The following CADM2 variants were observed in gnomAD, a reference collection of about 807,000 sequenced individuals.
The protein encoded by CADM2 is immunoglobulin superfamily member 4D.
A neutral mutation model predicts 49.8 loss-of-function variants in CADM2; 12 were observed. The observed-to-expected ratio is 0.24, with a 90% CI of 0.15 to 0.39. The LOEUF (loss-of-function observed/expected upper bound fraction) is 0.39, where lower values mean the gene tolerates loss of function less well. Among genes scored for constraint, CADM2 ranks in the 10% least tolerant of loss-of-function variants. The probability of loss-of-function intolerance (pLI) is 1.00; values close to 1 mark genes in which losing one functional copy is unlikely to be tolerated. For synonymous variants in CADM2, 214 were observed against 175.4 expected (o/e 1.22, Z -1.74); for missense variants, 378 against 492.3 (o/e 0.77, Z 2.20).
intron 1 of CADM2, among the ~76,000 whole-genome samples, chr3:85,332,430 C>T (rs1165291000): frequency 6.6e-6 from 1 of 151,986 alleles, no homozygotes; most frequent in Admixed American, 6.6e-5. Flanking sequence ...TAGGCTGACA[C>T]AGAGGGATCC....
chr3:86,067,907 T>C lies in CADM2; in HGVS notation c.*1124T>C, dbSNP rs963937687. 6.6e-6 allele frequency: 1 copy of C among 152,480 alleles called. No homozygotes were observed. The highest frequency in any genetic ancestry group is 2.1e-4 in the South Asian group (1 of 4,836). 9.4% of individuals were successfully genotyped at this position (152,480 alleles called of 1,614,324 possible). A position where few individuals can be genotyped will look rare whatever the true frequency, so the allele number is the denominator to read the frequency against. On this transcript the variant is annotated 3_prime_UTR_variant, in exon 10 of 10. Coordinates refer to ENST00000383699, the MANE Select transcript of CADM2 (RefSeq NM_001167675.2). ...GTTATACAATGGAAGCACAATGTTATAAGGAAAGGTAATTTTAAGCTAACA... is the reference window on the plus strand; with the variant it reads ...GTTATACAATGGAAGCACAATGTTACAAGGAAAGGTAATTTTAAGCTAACA...
chr3:85,576,833 G>A (rs1156968768), intron 1 of CADM2, among the ~76,000 whole-genome samples: 1 of 151,962 alleles, frequency 6.6e-6, no homozygotes, highest in Non-Finnish European at 1.5e-5. Flanking sequence ...TATTAACCTA[G>A]ACTATACCAC....
intron 8 of CADM2, among the ~76,000 whole-genome samples, chr3:86,004,050 A>T (rs1730491543): frequency 6.6e-6 from 1 of 152,186 alleles, no homozygotes. Flanking sequence ...CTATTAAGAA[A>T]GATAAGGAGT....
intron 1 of CADM2, among the ~76,000 whole-genome samples, chr3:85,182,610 T>A (rs1355781502): frequency 6.6e-6 from 1 of 152,110 alleles, no homozygotes; most frequent in Non-Finnish European, 1.5e-5. Context: ...GACGGAGGAA[T>A]ATAAAATTTA....
intron 8 of CADM2, among the ~76,000 whole-genome samples, chr3:86,038,923 G>A (rs2107216263): frequency 6.6e-6 from 1 of 152,328 alleles, no homozygotes; most frequent in African/African-American, 2.4e-5. Context: ...TCTAGTGACA[G>A]CTGTTTGAAA....
intron 1 of CADM2, among the ~76,000 whole-genome samples, chr3:85,388,424 G>A (rs912261425): frequency 6.6e-6 from 1 of 152,148 alleles, no homozygotes; most frequent in African/African-American, 2.4e-5. Context: ...CGGGTTACTA[G>A]TTTATTTTCA....
intron 1 of CADM2, among the ~76,000 whole-genome samples, chr3:85,572,397 T>G (rs565933466): frequency 6.6e-6 from 1 of 152,288 alleles, no homozygotes; most frequent in African/African-American, 2.4e-5. Flanking sequence ...AACATACTTA[T>G]ATGTAAATGC....
At chr3:85,732,094 C>CAAAAAAA (rs3044020) in intron 2 of CADM2, among the ~76,000 whole-genome samples, 14 of 90,818 alleles carry the variant, frequency 1.5e-4, no homozygotes, top group African/African-American at 5.3e-4. Context: ...CTAAGAATAC[C>CAAAAAAA]AAAAAAAAAA....
At chr3:85,301,536 T>C (rs1009988174) in intron 1 of CADM2, among the ~76,000 whole-genome samples, 19 of 152,052 alleles carry the variant, frequency 1.2e-4, no homozygotes, top group South Asian at 2.1e-4. Context: ...AAAAAATAAT[T>C]CATCAGATAG....
chr3:85,487,323 G>T (rs2039459856), intron 1 of CADM2, among the ~76,000 whole-genome samples: 1 of 152,062 alleles, frequency 6.6e-6, no homozygotes, highest in African/African-American at 2.4e-5. Context: ...AAACGATACT[G>T]GGCAGCGAAA....
intron 1 of CADM2, among the ~76,000 whole-genome samples, chr3:85,051,667 A>T (rs1341557315): frequency 6.6e-6 from 1 of 152,164 alleles, no homozygotes; most frequent in Non-Finnish European, 1.5e-5. Flanking sequence ...TCTGAAAGCA[A>T]AAGGGGTAGA....
intron 1 of CADM2, among the ~76,000 whole-genome samples, chr3:85,026,341 T>G (rs1240528835): frequency 6.6e-6 from 1 of 152,186 alleles, no homozygotes; most frequent in East Asian, 1.9e-4. Flanking sequence ...CTAAATTAGA[T>G]GTACAATTAT....
intron 5 of CADM2, among the ~76,000 whole-genome samples, chr3:85,911,284 T>C (rs1182754813): frequency 6.6e-6 from 1 of 152,160 alleles, no homozygotes; most frequent in Non-Finnish European, 1.5e-5. Flanking sequence ...TATCAGCTAC[T>C]TCAGACTTGA....
rs1446301888 is a variant in CADM2, at chr3:86,070,701, T to C, written c.*3918T>C. ...AATGAGAATTACTGTTGAGTAATGCTTTTTATTAAGTGGCACAAAGTACAC... is the reference window on the plus strand; with the variant it reads ...AATGAGAATTACTGTTGAGTAATGCCTTTTATTAAGTGGCACAAAGTACAC... On this transcript the variant is annotated 3_prime_UTR_variant, in exon 10 of 10. Transcript: ENST00000383699. 2 of 151,818 alleles carry C rather than the reference T, an allele frequency of 1.3e-5. No individual in the cohort carries two copies. Among genetic ancestry groups the C allele is most frequent in the Non-Finnish European group, 2.9e-5 (2 of 67,822 alleles). 9.4% of individuals were successfully genotyped at this position (151,818 alleles called of 1,614,324 possible).
chr3:85,516,538 C>T (rs1326864292), intron 1 of CADM2, among the ~76,000 whole-genome samples: 1 of 152,012 alleles, frequency 6.6e-6, no homozygotes, highest in Non-Finnish European at 1.5e-5. Flanking sequence ...TTTTCAATTA[C>T]CAGAGATTTT....
intron 1 of CADM2, among the ~76,000 whole-genome samples, chr3:85,132,956 C>T (rs1213165694): frequency 1.3e-5 from 2 of 151,950 alleles, no homozygotes; most frequent in African/African-American, 4.8e-5. Context: ...TTCTGATATT[C>T]GGATATGTTC....
At chr3:85,753,286 A>G (rs2068948494) in intron 2 of CADM2, among the ~76,000 whole-genome samples, 1 of 152,116 alleles carries the variant, frequency 6.6e-6, no homozygotes, top group Admixed American at 6.6e-5. Context: ...AGGACATTAT[A>G]AAGGAACGCT....
chr3:85,558,205 G>A (rs116526326), intron 1 of CADM2, among the ~76,000 whole-genome samples: 1 of 151,958 alleles, frequency 6.6e-6, no homozygotes, highest in East Asian at 1.9e-4. Flanking sequence ...TGAATGTGAT[G>A]CTCATTAGAT....
At chr3:85,947,291 A>T (rs1722845607) in intron 7 of CADM2, among the ~76,000 whole-genome samples, 1 of 151,706 alleles carries the variant, frequency 6.6e-6, no homozygotes, top group African/African-American at 2.4e-5. Flanking sequence ...AACTAGTGGG[A>T]TAAACATAAT....
Sources: allele counts gnomAD v4.1 joint callset (sites outside exome capture counted in the v4.1 genomes callset), GRCh38; gene constraint gnomAD v4.1.1; transcripts MANE v1.5; gene names NCBI Gene and HGNC (gene_info 2026-07-23, HGNC 2026-07-21).